STAT4: variants seen among roughly 807,000 people sequenced by gnomAD.
The protein encoded by STAT4 is signal transducer and activator of transcription 4.
Under a neutral mutation model 110.5 loss-of-function variants are expected in STAT4, and 42 were observed. The ratio of observed to expected loss-of-function variants is 0.38; its 90% confidence interval spans 0.30 to 0.49. The LOEUF is 0.49. Ranked by LOEUF, STAT4 falls within the 20% of genes least tolerant of loss-of-function variation. The pLI is 0.95. For missense variants in STAT4, 632 were observed against 887.9 expected (o/e 0.71, Z 3.66); for synonymous variants, 284 against 302.2 (o/e 0.94, Z 0.63).
At chr2:191,073,260 T>C (rs1267279828) in intron 4 of STAT4, 70 bp from the exon 5 acceptor site, 4 of 1,291,492 alleles carry the variant, frequency 3.1e-6, no homozygotes, top group South Asian at 2.4e-5. Flanking sequence ...ACATACCGCA[T>C]ACAATTCGAC....
intron 3 of STAT4, among the ~76,000 whole-genome samples, chr2:191,132,785 C>T (rs1355473266): frequency 5.5e-5 from 8 of 145,552 alleles, no homozygotes; most frequent in African/African-American, 1.0e-4. Context: ...GACGGAGTCT[C>T]GCTCTGTCGC....
intron 3 of STAT4, among the ~76,000 whole-genome samples, chr2:191,089,455 G>A (rs528211397): frequency 3.9e-5 from 6 of 152,274 alleles, no homozygotes; most frequent in South Asian, 2.1e-4. Context: ...TTTGTTGCTC[G>A]TGGGAGTGAA....
chr2:191,118,649 A>G (rs1698634413), intron 3 of STAT4, among the ~76,000 whole-genome samples: 2 of 152,154 alleles, frequency 1.3e-5, no homozygotes, highest in Non-Finnish European at 2.9e-5. Flanking sequence ...TTGCATTTTT[A>G]TTATGAATAA....
intron 3 of STAT4, among the ~76,000 whole-genome samples, chr2:191,120,158 A>G (rs562441979): frequency 6.6e-6 from 1 of 152,344 alleles, no homozygotes; most frequent in South Asian, 2.1e-4. Context: ...AAAAAGACAC[A>G]AAGAACGGTA....
At position 191,029,849 on chromosome 2, in the gene STAT4, A is replaced by G; in HGVS notation, c.2238T>C (p.Ser746=). ...TIETAMKSPY[S]AE is the part of the protein sequence containing the mutation. ...GTCAGAGTTTATCCTGTCATTCAGC[A>G]GAATAAGGAGACTTCATCTAAAATT... is the stretch of plus-strand genomic sequence containing the variant. Residue 746 remains serine, a synonymous_variant, in exon 24 of 24, where the codon TCT becomes TCC. Transcript: ENST00000392320. The surrounding 1 kb of genome is among the most constrained non-coding windows in gnomAD (Gnocchi z 4.5). 6.3e-7 allele frequency: 1 copy of G among 1,598,280 alleles called. No homozygotes were observed.
chr2:191,129,641 T>C (rs1035721778), intron 3 of STAT4, among the ~76,000 whole-genome samples: 7 of 152,206 alleles, frequency 4.6e-5, no homozygotes, highest in Non-Finnish European at 1.0e-4. Context: ...TCCTTACTTC[T>C]TTCTTGACTC....
In STAT4 at chr2:191,090,650, T is replaced by C. The variant is rs1167452260; in HGVS notation, c.274-14325A>G. Reference sequence around the variant, plus strand: ...ATCTCCGCCCACTGCAACCTCTGCCTCCTGAGTTCATGCCATTCTCCTGCC... The same window carrying C: ...ATCTCCGCCCACTGCAACCTCTGCCCCCTGAGTTCATGCCATTCTCCTGCC... On this transcript the variant is annotated intron_variant, in intron 3 of 23. Coordinates refer to ENST00000392320, the MANE Select transcript of STAT4 (RefSeq NM_003151.4). The surrounding 1 kb of genome is among the most constrained non-coding windows in gnomAD (Gnocchi z 4.2). 6.6e-6 allele frequency among the ~76,000 whole-genome samples: 1 copy of C among 152,160 alleles called. No homozygotes were observed. Among genetic ancestry groups the C allele is most frequent in the Non-Finnish European group, 1.5e-5 (1 of 68,022 alleles).
chr2:191,087,267 C>A (rs1380642357), intron 3 of STAT4, among the ~76,000 whole-genome samples: 1 of 152,128 alleles, frequency 6.6e-6, no homozygotes, highest in Non-Finnish European at 1.5e-5. Context: ...CATTTAACAA[C>A]CTCTAAACCT....
chr2:191,083,019 C>G lies in STAT4; in HGVS notation c.274-6694G>C, dbSNP rs1697530603. On this transcript the variant is annotated intron_variant, in intron 3 of 23. Transcript: ENST00000392320. The surrounding 1 kb of genome is among the most constrained non-coding windows in gnomAD (Gnocchi z 4.6). ...ACTGCAGGATGAGAATGATAGGTCC[C>G]AGGTCAAATAAAGGGAGAATTTTCT... Among the ~76,000 whole-genome samples the G allele has an allele frequency of 6.6e-6, 1 of 152,150 alleles. No individual in the cohort carries two copies. The highest frequency in any genetic ancestry group is 2.1e-4 in the South Asian group (1 of 4,832).
rs141018479 is a variant in STAT4 at position 191,066,885 on chromosome 2, C to T, written c.545-370G>A. ...GTAAAAGTAAGGAAAGCAGGGATCA[C>T]CCTTTGTGCCCCTGATTAAATCATA... is the stretch of plus-strand genomic sequence containing the variant. On this transcript the variant is annotated intron_variant, in intron 6 of 23. Transcript: ENST00000392320. The surrounding 1 kb of genome is among the most constrained non-coding windows in gnomAD (Gnocchi z 4.3). 2.0e-5 allele frequency among the ~76,000 whole-genome samples: 3 copies of T among 152,086 alleles called. No homozygotes were observed. In the East Asian group the frequency reaches 5.8e-4, roughly 29 times the overall value.
chr2:191,041,562 AC>A (rs1696199110), intron 14 of STAT4: 2 of 152,268 alleles, frequency 1.3e-5, no homozygotes, highest in South Asian at 4.1e-4. Flanking sequence ...AGAATGCAAG[AC>A]CTCCTTCTGG....
chr2:191,040,054 CATT>C (rs1336715832), intron 15 of STAT4, among the ~76,000 whole-genome samples: 7 of 152,174 alleles, frequency 4.6e-5, no homozygotes, highest in Non-Finnish European at 7.3e-5. Flanking sequence ...ATATTACCAT[CATT>C]AAGATAAAAG....
At chr2:191,078,218 A>G (rs921009502) in intron 3 of STAT4, among the ~76,000 whole-genome samples, 3 of 152,176 alleles carry the variant, frequency 2.0e-5, no homozygotes, top group Non-Finnish European at 4.4e-5. Flanking sequence ...CTAAGAACCC[A>G]AGAATTACCA....
rs780075888 is a variant in STAT4 at position 191,104,487 on chromosome 2, T to G, written c.274-28162A>C. 6.6e-6 allele frequency among the ~76,000 whole-genome samples: 1 copy of G among 152,138 alleles called. No individual in the cohort carries two copies. Among genetic ancestry groups the G allele is most frequent in the Non-Finnish European group, 1.5e-5 (1 of 68,014 alleles). On this transcript the variant is annotated intron_variant, in intron 3 of 23. Coordinates refer to ENST00000392320, the MANE Select transcript of STAT4 (RefSeq NM_003151.4). The surrounding 1 kb of genome is among the most constrained non-coding windows in gnomAD (Gnocchi z 4.3). ...CACAATAGGCATATGTGAAGAAGAT[T>G]TTGCCACACAGACTCACACTGTGTT...
rs542984739 is a variant in STAT4, at chr2:191,032,018, T to C, written c.2045-502A>G. ...CTTGGAAAAATTCCCCAAACTTCTC[T>C]GGTATACCATGTTGAACTAGTATTT... On this transcript the variant is annotated intron_variant, in intron 21 of 23. Transcript: ENST00000392320. The surrounding 1 kb of genome is among the most constrained non-coding windows in gnomAD (Gnocchi z 4.9). Among the ~76,000 whole-genome samples the C allele has an allele frequency of 3.9e-5, 6 of 152,362 alleles. No homozygotes were observed. In the South Asian group the frequency reaches 1.2e-3, roughly 32 times the overall value.
intron 3 of STAT4, among the ~76,000 whole-genome samples, chr2:191,098,464 G>C (rs1698067385): frequency 6.6e-6 from 1 of 152,172 alleles, no homozygotes; most frequent in African/African-American, 2.4e-5. Flanking sequence ...TCCTTTGCAG[G>C]GACATGGATG....
At chr2:191,105,233 A>G (rs1559069186) in intron 3 of STAT4, among the ~76,000 whole-genome samples, 1 of 152,172 alleles carries the variant, frequency 6.6e-6, no homozygotes, top group Non-Finnish European at 1.5e-5. Context: ...GCTCACCAGA[A>G]GGTTACTCTC....
intron 1 of STAT4, among the ~76,000 whole-genome samples, chr2:191,149,681 A>G (rs578108484): frequency 6.6e-6 from 1 of 152,318 alleles, no homozygotes; most frequent in South Asian, 2.1e-4. Context: ...TTTTCCAGAT[A>G]TCGGATGTAT....
At chr2:191,078,272 C>T (rs1018073327) in intron 3 of STAT4, among the ~76,000 whole-genome samples, 4 of 152,038 alleles carry the variant, frequency 2.6e-5, no homozygotes, top group Admixed American at 6.6e-5. Flanking sequence ...ATTTCTATGC[C>T]GATCATTCAG....
Sources: gnomAD v4.1 joint callset for allele counts (sites outside exome capture counted in the v4.1 genomes callset) on GRCh38, gnomAD v4.1.1 for gene constraint, Gnocchi (gnomAD v3.1) non-coding constraint, MANE v1.5 for transcripts, NCBI Gene and HGNC (gene_info 2026-07-23, HGNC 2026-07-21) for gene names.